MSN: variants seen among roughly 807,000 people sequenced by gnomAD.
MSN encodes the protein moesin.
A neutral mutation model predicts 48.0 loss-of-function variants in MSN; 2 were observed. That is an observed-to-expected ratio of 0.04 (90% CI 0.02 to 0.13). The LOEUF (loss-of-function observed/expected upper bound fraction) is 0.13. Among genes scored for constraint, MSN ranks in the 10% least tolerant of loss-of-function variants. The probability of loss-of-function intolerance (pLI) is 1.00; values close to 1 mark genes in which losing one functional copy is unlikely to be tolerated. For synonymous variants in MSN, 146 were observed against 166.9 expected (o/e 0.87, Z 0.97); for missense variants, 267 against 470.1 (o/e 0.57, Z 3.99).
At chrX:65,672,967 TC>T (rs2070957460) in intron 1 of MSN, among the ~76,000 whole-genome samples, 1 of 111,522 alleles carries the variant, frequency 9.0e-6, no homozygotes, top group East Asian at 2.8e-4. Context: ...CCCATTATAC[TC>T]CTTGAGTGCT....
intron 1 of MSN, among the ~76,000 whole-genome samples, chrX:65,707,743 G>T (rs749396081): frequency 1.8e-5 from 2 of 112,521 alleles, no homozygotes; most frequent in Non-Finnish European, 1.9e-5. Context: ...TACTAAGGGT[G>T]AGCATCCAGT....
chrX:65,673,359 G>T (rs1466296334), intron 1 of MSN, among the ~76,000 whole-genome samples: 1 of 111,476 alleles, frequency 9.0e-6, no homozygotes, highest in Non-Finnish European at 1.9e-5. Context: ...GTGGTAGTTA[G>T]ATATATTGGT....
At chrX:65,613,557 T>A (rs1034291198) in intron 1 of MSN, among the ~76,000 whole-genome samples, 1 of 112,458 alleles carries the variant, frequency 8.9e-6, no homozygotes, top group Non-Finnish European at 1.9e-5. Flanking sequence ...TTTTAATGAT[T>A]GCCATTCTAA....
At chrX:65,707,037 C>T (rs776304635) in intron 1 of MSN, among the ~76,000 whole-genome samples, 1 of 111,722 alleles carries the variant, frequency 9.0e-6, no homozygotes, top group African/African-American at 3.3e-5. Context: ...TTGCTAATCC[C>T]TTTTGCTGTA....
rs113223212 is a variant in MSN, at chrX:65,677,290, G to A, written c.12+9437G>A. Among the ~76,000 whole-genome samples the A allele has an allele frequency of 3.7e-3, 419 of 112,049 alleles. 4 individuals are homozygous for A. The highest frequency in any genetic ancestry group is 0.013 in the African/African-American group (407 of 30,805). ...CAATCTGGGCATCATTAGTTAAGTC[G>A]TACAAATCTTTGCTATTTTCAAGGG... On this transcript the variant is annotated intron_variant, in intron 1 of 12. Transcript: ENST00000360270.
intron 1 of MSN, among the ~76,000 whole-genome samples, chrX:65,601,308 G>A (rs149864351): frequency 1.8e-5 from 2 of 112,026 alleles, no homozygotes; most frequent in Non-Finnish European, 3.8e-5. Context: ...CTAGGAATCT[G>A]TGACCAACAC....
rs200398647 is a variant in MSN at position 65,739,032 on chromosome X, A to G, written c.1407A>G (p.Thr469=). The change falls in exon 12 of 13, where the codon ACA becomes ACG. Residue 469 remains threonine, a synonymous_variant. Transcript: ENST00000360270. ...TRAELKTAMS[T]PHVAEPAENE... is the part of the protein sequence containing the mutation. ...CTGAGCTGAAGACTGCCATGAGTAC[A>G]CCTCATGTGGCAGAGCCTGCTGAGA... The G allele has an allele frequency of 5.5e-5, 66 of 1,210,252 alleles. 2 individuals are homozygous for G. The Admixed American group carries it at 1.4e-3, about 26-fold the overall frequency.
chrX:65,720,456 G>A (rs181597615), intron 2 of MSN, among the ~76,000 whole-genome samples: 184 of 112,275 alleles, frequency 1.6e-3, no homozygotes, highest in African/African-American at 5.5e-3. Flanking sequence ...AAAATACAGG[G>A]AAAAAGATTT....
At chrX:65,689,405 G>A (rs1371182038) in intron 1 of MSN, among the ~76,000 whole-genome samples, 3 of 111,699 alleles carry the variant, frequency 2.7e-5, no homozygotes, top group Non-Finnish European at 3.8e-5. Context: ...TTGTAAGGGA[G>A]CATAACTGGG....
chrX:65,619,438 C>G (rs1213919752), intron 1 of MSN, among the ~76,000 whole-genome samples: 20 of 98,653 alleles, frequency 2.0e-4, no homozygotes, highest in South Asian at 3.9e-4. Flanking sequence ...AACTTCCCTT[C>G]TCGCTTCATT....
intron 1 of MSN, among the ~76,000 whole-genome samples, chrX:65,662,209 C>T (rs762930973): frequency 2.7e-5 from 3 of 112,262 alleles, no homozygotes; most frequent in Non-Finnish European, 5.6e-5. Context: ...CCATACTGCC[C>T]AAAGCAATTT....
intron 2 of MSN, among the ~76,000 whole-genome samples, chrX:65,719,187 G>A (rs1412334991): frequency 8.9e-6 from 1 of 111,995 alleles, no homozygotes; most frequent in Non-Finnish European, 1.9e-5. Flanking sequence ...GGACAGCCTA[G>A]TGAAGTCAAA....
intron 6 of MSN, 110 bp downstream of exon 6, chrX:65,732,094 A>G (rs1316960022): frequency 2.3e-6 from 2 of 866,783 alleles, no homozygotes; most frequent in East Asian, 6.6e-5. Context: ...TTCTTTTTCT[A>G]CCTAATTTAG....
rs753246077 is a variant in MSN at position 65,707,304 on chromosome X, G to A, written c.13-9514G>A. On this transcript the variant is annotated intron_variant, in intron 1 of 12. Coordinates refer to ENST00000360270, the MANE Select transcript of MSN (RefSeq NM_002444.3). ...TAGTGAAGTGCTTGGTGTGGGAAGC[G>A]TCTATGTTGAATTGCTCAGTAAATA... is the stretch of plus-strand genomic sequence containing the variant. Among the ~76,000 whole-genome samples, 8 of 110,874 alleles carry A rather than the reference G, an allele frequency of 7.2e-5. No homozygotes were observed. In the South Asian group the frequency reaches 2.7e-3, roughly 37 times the overall value.
chrX:65,704,680 A>G (rs773326579), intron 1 of MSN, among the ~76,000 whole-genome samples: 1 of 108,573 alleles, frequency 9.2e-6, no homozygotes, highest in Non-Finnish European at 1.9e-5. Context: ...TTTTTTTTAG[A>G]TCAATAATAG....
chrX:65,592,320 C>T (rs1483825084), intron 1 of MSN, among the ~76,000 whole-genome samples: 1 of 106,756 alleles, frequency 9.4e-6, no homozygotes, highest in African/African-American at 3.4e-5. Context: ...CTCAGCCTCT[C>T]GAGTAGCTGG....
chrX:65,649,575 C>CAA (rs1232547930), intron 1 of MSN, among the ~76,000 whole-genome samples: 4 of 78,110 alleles, frequency 5.1e-5, no homozygotes, highest in African/African-American at 1.7e-4. Context: ...GACTCTATCT[C>CAA]AAAAAAAAAA....
chrX:65,702,126 C>G (rs1222657961), intron 1 of MSN, among the ~76,000 whole-genome samples: 1 of 107,158 alleles, frequency 9.3e-6, no homozygotes, highest in African/African-American at 3.4e-5. Flanking sequence ...GATTCTCCTT[C>G]CTCAGCCTCC....
At chrX:65,733,398 G>A (rs1221986927) in intron 7 of MSN, 118 bp downstream of exon 7, 25 of 535,067 alleles carry the variant, frequency 4.7e-5, no homozygotes, top group Admixed American at 9.6e-5. Flanking sequence ...GTGTGTGCGC[G>A]CATGTGCACG....
Sources: allele counts gnomAD v4.1 joint callset (sites outside exome capture counted in the v4.1 genomes callset), GRCh38; gene constraint gnomAD v4.1.1; transcripts MANE v1.5; gene names NCBI Gene and HGNC (gene_info 2026-07-23, HGNC 2026-07-21).